Variants in ROBO2 observed in about 807,000 individuals in gnomAD.
ROBO2 encodes roundabout homolog 2.
A neutral mutation model predicts 160.8 loss-of-function variants in ROBO2; 53 were observed. The observed-to-expected ratio is 0.33, with a 90% confidence interval of 0.26 to 0.41. The LOEUF (loss-of-function observed/expected upper bound fraction) is 0.41. ROBO2 is among the 10% of genes least tolerant of loss of function. The pLI, the probability that ROBO2 is intolerant of heterozygous loss-of-function variation, is 1.00. For missense variants in ROBO2, 1,577 were observed against 1,722.4 expected (o/e 0.92, Z 1.49); for synonymous variants, 664 against 611.7 (o/e 1.09, Z -1.26).
At chr3:76,158,603 G>T (rs560263661) in intron 2 of ROBO2, among the ~76,000 whole-genome samples, 1 of 152,088 alleles carries the variant, frequency 6.6e-6, no homozygotes, top group Non-Finnish European at 1.5e-5. Flanking sequence ...GGTGGGGTTG[G>T]GGGAGAGAGG....
chr3:77,629,632 A>T (rs1161115605), intron 23 of ROBO2: 4 of 152,156 alleles, frequency 2.6e-5, no homozygotes, highest in Admixed American at 2.6e-4. Context: ...TCAAAGCATA[A>T]CCAATACACA....
rs140950921 is a variant in ROBO2, at chr3:76,212,252, A to G, written c.109+274650A>G. Among the ~76,000 whole-genome samples, 1,000 of 152,130 alleles carry G rather than the reference A, an allele frequency of 6.6e-3. 14 individuals are homozygous for G. Among genetic ancestry groups the G allele is most frequent in the African/African-American group, 0.023 (942 of 41,562 alleles). On this transcript the variant is annotated intron_variant, in intron 2 of 26. Transcript: ENST00000487694. ...ATTTTACTACCTAATGGGGACGTGT[A>G]AATAACGGAACATGGTCCTTCCTGA...
chr3:76,008,992 C>G lies in ROBO2; in HGVS notation c.109+71390C>G, dbSNP rs1038071679. Among the ~76,000 whole-genome samples, 11 of 152,218 alleles carry G rather than the reference C, an allele frequency of 7.2e-5. 1 individual carries two copies. In the East Asian group the frequency reaches 1.7e-3, roughly 24 times the overall value. On this transcript the variant is annotated intron_variant, in intron 2 of 26. Coordinates refer to the ROBO2 transcript ENST00000487694. ...ATGGTAATACGCTGGGGGAACTTAG[C>G]AAGGCCTGTTTGTTCATATTACTTT...
chr3:76,046,294 C>T (rs1046144914), intron 2 of ROBO2, among the ~76,000 whole-genome samples: 2 of 151,870 alleles, frequency 1.3e-5, no homozygotes, highest in Non-Finnish European at 2.9e-5. Flanking sequence ...CTGGAGGAAA[C>T]GAAGCCATCC....
chr3:76,731,649 A>T (rs774609), intron 2 of ROBO2, among the ~76,000 whole-genome samples: 129,797 of 152,162 alleles, frequency 0.85, 55,513 homozygotes, highest in African/African-American at 0.89. Context: ...TTATGAGGCT[A>T]ATAAATGCAG....
intron 2 of ROBO2, among the ~76,000 whole-genome samples, chr3:76,451,331 C>T (rs1048871784): frequency 6.6e-6 from 1 of 152,192 alleles, no homozygotes; most frequent in Non-Finnish European, 1.5e-5. Flanking sequence ...GTGGGTTAAA[C>T]AGTAGCATAA....
Position 76,090,228 on chromosome 3 carries a change from A to T in ROBO2, c.109+152626A>T, listed in dbSNP as rs901347823. 2.6e-5 allele frequency among the ~76,000 whole-genome samples: 4 copies of T among 152,232 alleles called. No homozygotes were observed. In the East Asian group the frequency reaches 7.7e-4, roughly 29 times the overall value. Reference sequence around the variant, plus strand: ...GTAATCCCAACACTTTGGGAAATTGAGGCGGGCAGATCACCTGAGGTCAGG... The same window carrying T: ...GTAATCCCAACACTTTGGGAAATTGTGGCGGGCAGATCACCTGAGGTCAGG... On this transcript the variant is annotated intron_variant, in intron 2 of 26. Transcript: ENST00000487694.
chr3:77,443,931 T>G (rs1006944258), intron 2 of ROBO2, among the ~76,000 whole-genome samples: 14 of 152,164 alleles, frequency 9.2e-5, no homozygotes, highest in Non-Finnish European at 8.8e-5. Flanking sequence ...TCTTTCCAAC[T>G]TCTCAATCTT....
chr3:77,133,316 A>T (rs1168095031), intron 2 of ROBO2, among the ~76,000 whole-genome samples: 1 of 152,100 alleles, frequency 6.6e-6, no homozygotes, highest in Non-Finnish European at 1.5e-5. Flanking sequence ...CATATATGTG[A>T]TTTTCAAGGT....
chr3:76,322,449 A>G (rs1467804107), intron 2 of ROBO2, among the ~76,000 whole-genome samples: 1 of 151,924 alleles, frequency 6.6e-6, no homozygotes, highest in Non-Finnish European at 1.5e-5. Flanking sequence ...AGAGTTCTTC[A>G]TATCATAATC....
At chr3:77,537,115 T>G in intron 6 of ROBO2, among the ~76,000 whole-genome samples, 1 of 145,754 alleles carries the variant, frequency 6.9e-6, no homozygotes, top group South Asian at 2.3e-4. Flanking sequence ...GGGGGTGTAT[T>G]ACACTTACCA....
chr3:77,518,013 G>A (rs1017841239), intron 5 of ROBO2, among the ~76,000 whole-genome samples: 1 of 151,492 alleles, frequency 6.6e-6, no homozygotes, highest in Non-Finnish European at 1.5e-5. Flanking sequence ...TAGTTGACCT[G>A]AAGATGAGAT....
intron 2 of ROBO2, among the ~76,000 whole-genome samples, chr3:76,258,762 T>C (rs1706557037): frequency 6.6e-6 from 1 of 152,096 alleles, no homozygotes. Context: ...TAACTGAATA[T>C]AGTCTCAAAA....
At chr3:75,908,351 C>G (rs111970980) in intron 1 of ROBO2, among the ~76,000 whole-genome samples, 48 of 152,150 alleles carry the variant, frequency 3.2e-4, no homozygotes, top group African/African-American at 9.2e-4. Flanking sequence ...CTGAGTTCAA[C>G]AAATAAAACT....
chr3:76,967,434 T>A (rs541983513), intron 2 of ROBO2, among the ~76,000 whole-genome samples: 2 of 150,050 alleles, frequency 1.3e-5, no homozygotes, highest in Non-Finnish European at 3.0e-5. Context: ...CTCGAACTCC[T>A]GGCCTCAAAT....
chr3:77,178,532 A>G (rs544726439), intron 2 of ROBO2, among the ~76,000 whole-genome samples: 85 of 152,164 alleles, frequency 5.6e-4, no homozygotes, highest in African/African-American at 2.0e-3. Context: ...ATGAAAAAAT[A>G]CCCATCCTTA....
chr3:77,032,923 A>T (rs2063410138), intron 2 of ROBO2, among the ~76,000 whole-genome samples: 1 of 152,160 alleles, frequency 6.6e-6, no homozygotes, highest in East Asian at 1.9e-4. Flanking sequence ...GGGCTGGGGA[A>T]TTCTGTGTGG....
intron 2 of ROBO2, among the ~76,000 whole-genome samples, chr3:76,482,494 C>T (rs1328519643): frequency 6.6e-6 from 1 of 152,130 alleles, no homozygotes; most frequent in Non-Finnish European, 1.5e-5. Context: ...TACAAGGATA[C>T]TATAATTGCC....
At chr3:76,270,929 G>A (rs1168183209) in intron 2 of ROBO2, among the ~76,000 whole-genome samples, 1 of 152,028 alleles carries the variant, frequency 6.6e-6, no homozygotes, top group Non-Finnish European at 1.5e-5. Flanking sequence ...GGAAATAATA[G>A]CAAGTCCTCT....
Sources: allele counts gnomAD v4.1 joint callset (sites outside exome capture counted in the v4.1 genomes callset), GRCh38; gene constraint gnomAD v4.1.1; transcripts MANE v1.5; gene names NCBI Gene and HGNC (gene_info 2026-07-23, HGNC 2026-07-21).